The following SMAD5 variants were observed in gnomAD, a reference collection of about 807,000 sequenced individuals.
SMAD5 encodes the protein MAD, mothers against decapentaplegic homolog 5.
In SMAD5, 9 loss-of-function variants were observed where a neutral mutation model predicts 43.1. The observed-to-expected ratio is 0.21, with a 90% CI of 0.13 to 0.36. The LOEUF (loss-of-function observed/expected upper bound fraction) is 0.36, where lower values mean the gene tolerates loss of function less well. SMAD5 is among the 10% of genes least tolerant of loss of function. SMAD5 has a pLI of 1.00. For missense variants in SMAD5, 348 were observed against 574.0 expected (o/e 0.61, Z 4.02); for synonymous variants, 190 against 192.4 (o/e 0.99, Z 0.10).
At chr5:136,170,404 G>A (rs1229320376) in intron 5 of SMAD5, among the ~76,000 whole-genome samples, 1 of 151,856 alleles carries the variant, frequency 6.6e-6, no homozygotes, top group East Asian at 1.9e-4. Context: ...GTATTTACTT[G>A]GGTCTATTTC....
chr5:136,179,245 A>G lies in SMAD5; in HGVS notation c.*1765A>G, dbSNP rs1754535384. 2 of 152,644 alleles carry G rather than the reference A, an allele frequency of 1.3e-5. No homozygotes were observed. The allele number at this position is 152,644 out of a possible 1,614,324, so 9.5% of individuals were successfully genotyped here. On this transcript the variant is annotated 3_prime_UTR_variant, in exon 8 of 8. Coordinates refer to ENST00000545279, the MANE Select transcript of SMAD5 (RefSeq NM_005903.7). ...ATCAATCATGTTTTTGGCTTTGGAT[A>G]AAGAACTTTGAACCAGTTTTTTTCT...
chr5:136,136,000 A>T (rs1023741824), intron 1 of SMAD5, among the ~76,000 whole-genome samples: 1 of 152,210 alleles, frequency 6.6e-6, no homozygotes, highest in Non-Finnish European at 1.5e-5. Context: ...TTTATAAGGG[A>T]TACTAGTAGC....
rs560540553 is a variant in SMAD5 at position 136,178,835 on chromosome 5, A to G, written c.*1355A>G. The G allele has an allele frequency of 6.6e-6, 1 of 152,492 alleles. No individual in the cohort carries two copies. Among genetic ancestry groups the G allele is most frequent in the Non-Finnish European group, 1.5e-5 (1 of 68,206 alleles). The allele number at this position is 152,492 out of a possible 1,614,324, so 9.4% of individuals were successfully genotyped here. On this transcript the variant is annotated 3_prime_UTR_variant, in exon 8 of 8. Transcript: ENST00000545279. ...TTTGGGAGGCTGAGGCAGGCAGATC[A>G]TGATGTCAGGAGTTTGAGACCAGCC...
chr5:136,156,659 C>T (rs1421978313), intron 3 of SMAD5, among the ~76,000 whole-genome samples: 1 of 152,130 alleles, frequency 6.6e-6, no homozygotes, highest in African/African-American at 2.4e-5. Flanking sequence ...CTGAAAAACT[C>T]CCAAGCTTGC....
chr5:136,175,789 T>C (rs1348309413), intron 7 of SMAD5, among the ~76,000 whole-genome samples: 1 of 152,178 alleles, frequency 6.6e-6, no homozygotes, highest in Non-Finnish European at 1.5e-5. Context: ...CTGGTTACCC[T>C]GAAGGTATTT....
chr5:136,176,695 T>G (rs1014690847), intron 7 of SMAD5, among the ~76,000 whole-genome samples: 1 of 152,152 alleles, frequency 6.6e-6, no homozygotes, highest in Non-Finnish European at 1.5e-5. Context: ...AAAACCTTGC[T>G]GTTGAAGAGT....
At chr5:136,172,769 C>T in intron 6 of SMAD5, 114 bp downstream of exon 6, 1 of 727,118 alleles carries the variant, frequency 1.4e-6, no homozygotes, top group African/African-American at 1.7e-5. Context: ...CACGTGGCCT[C>T]TGCCTTAAGT....
chr5:136,173,721 A>G (rs1018046626), intron 6 of SMAD5, among the ~76,000 whole-genome samples: 1 of 151,796 alleles, frequency 6.6e-6, no homozygotes, highest in Non-Finnish European at 1.5e-5. Flanking sequence ...TGGTGGAGGG[A>G]TATGTTGGGA....
chr5:136,147,967 C>A (rs897490999), intron 2 of SMAD5, 61 bp downstream of exon 2: 2 of 151,582 alleles, frequency 1.3e-5, no homozygotes, highest in Admixed American at 6.6e-5. Context: ...ATAATGCAGC[C>A]CATGTTCTAT....
In SMAD5 at chr5:136,161,004, T is replaced by C. The variant is rs1288256433; in HGVS notation, c.552T>C (p.Pro184=). ...PDSFHQPNNT[P]FPLSPNSPYP... is the part of the protein sequence containing the mutation. ...CTTTCCACCAGCCCAACAACACTCC[T>C]TTTCCCTTATCTCCAAACAGCCCTT... is the stretch of plus-strand genomic sequence containing the variant. The change falls in exon 4 of 8, where the codon CCT becomes CCC. Residue 184 remains proline, a synonymous_variant. Transcript: ENST00000545279. 1 of 1,613,868 alleles carries C rather than the reference T, an allele frequency of 6.2e-7. No individual in the cohort carries two copies. Among genetic ancestry groups the C allele is most frequent in the Non-Finnish European group, 8.5e-7 (1 of 1,179,832 alleles).
At chr5:136,168,490 CA>C (rs1754096931) in intron 5 of SMAD5, among the ~76,000 whole-genome samples, 1 of 152,152 alleles carries the variant, frequency 6.6e-6, no homozygotes, top group South Asian at 2.1e-4. Flanking sequence ...AGAAAGTTCT[CA>C]CATACTCTCT....
intron 3 of SMAD5, among the ~76,000 whole-genome samples, chr5:136,156,595 C>G (rs1753645329): frequency 1.3e-5 from 2 of 152,050 alleles, no homozygotes; most frequent in African/African-American, 4.8e-5. Flanking sequence ...AAGCTGATAG[C>G]TGAAGGAACT....
chr5:136,149,673 G>A (rs1243110386), intron 2 of SMAD5, among the ~76,000 whole-genome samples: 1 of 151,686 alleles, frequency 6.6e-6, no homozygotes, highest in African/African-American at 2.4e-5. Context: ...TAATTTTTAT[G>A]ATGAATTTTT....
chr5:136,159,179 G>A lies in SMAD5; in HGVS notation c.404-1677G>A, dbSNP rs535613839. 1.1e-4 allele frequency among the ~76,000 whole-genome samples: 16 copies of A among 152,288 alleles called. No homozygotes were observed. In the East Asian group the frequency reaches 2.5e-3, roughly 24 times the overall value. On this transcript the variant is annotated intron_variant, in intron 3 of 7. Transcript: ENST00000545279. ...TACTGGATATTGATTTAAGCAAAAT[G>A]TTATATTTAACTCTATTTTGGGGAT... is the stretch of plus-strand genomic sequence containing the variant.
intron 1 of SMAD5, among the ~76,000 whole-genome samples, chr5:136,141,224 A>G (rs1478426643): frequency 6.6e-6 from 1 of 152,186 alleles, no homozygotes; most frequent in Non-Finnish European, 1.5e-5. Context: ...CAGTATAGGA[A>G]GATAAATGCT....
At chr5:136,161,196 C>T in intron 4 of SMAD5, 89 bp downstream of exon 4, 1 of 1,138,046 alleles carries the variant, frequency 8.8e-7, no homozygotes, top group Non-Finnish European at 1.3e-6. Context: ...TGAACTGTTA[C>T]ATGCCAAGGT....
chr5:136,166,138 A>G (rs1000838100), intron 5 of SMAD5, among the ~76,000 whole-genome samples: 1 of 149,964 alleles, frequency 6.7e-6, no homozygotes, highest in African/African-American at 2.4e-5. Flanking sequence ...GAGATATCTC[A>G]CTGTGGGTTG....
chr5:136,163,458 T>TA (rs1384523093), intron 5 of SMAD5, 67 bp downstream of exon 5: 19 of 1,302,170 alleles, frequency 1.5e-5, no homozygotes, highest in Non-Finnish European at 3.1e-6. Flanking sequence ...GCTACTTTTT[T>TA]AAAAACAGCT....
At chr5:136,150,482 G>A (rs1753417799) in intron 2 of SMAD5, among the ~76,000 whole-genome samples, 3 of 152,018 alleles carry the variant, frequency 2.0e-5, no homozygotes, top group Non-Finnish European at 2.9e-5. Context: ...GAAGGATTTT[G>A]TACTGTATTT....
Sources: gnomAD v4.1 joint callset for allele counts (sites outside exome capture counted in the v4.1 genomes callset) on GRCh38, gnomAD v4.1.1 for gene constraint, MANE v1.5 for transcripts, NCBI Gene and HGNC (gene_info 2026-07-23, HGNC 2026-07-21) for gene names.